The following HIP1 variants were observed in gnomAD, a reference collection of about 807,000 sequenced individuals.
The protein encoded by HIP1 is huntingtin interacting protein 1, also known as huntingtin-interacting protein 1.
In HIP1, 65 loss-of-function variants were observed where a neutral mutation model predicts 147.6. The observed-to-expected ratio is 0.44, with a 90% CI of 0.36 to 0.54. HIP1 has a LOEUF of 0.54. Among genes scored for constraint, HIP1 ranks in the 20% least tolerant of loss-of-function variants. The pLI is 0.00. For synonymous variants in HIP1, 479 were observed against 504.0 expected, an observed-to-expected ratio of 0.95 and a Z score of 0.67; for missense variants, 1,061 against 1,299.6, an observed-to-expected ratio of 0.82 and a Z score of 2.82.
chr7:75,623,620 G>A (rs1457310609), intron 1 of HIP1, among the ~76,000 whole-genome samples: 1 of 152,198 alleles, frequency 6.6e-6, no homozygotes, highest in Non-Finnish European at 1.5e-5. Context: ...TGCACAGGAT[G>A]CCTGGAGCTG....
intron 1 of HIP1, among the ~76,000 whole-genome samples, chr7:75,731,634 G>A (rs1406131274): frequency 7.9e-5 from 12 of 152,052 alleles, no homozygotes; most frequent in East Asian, 3.9e-4. Flanking sequence ...GGGGTGGGGC[G>A]CCAGGTTCAA....
chr7:75,639,176 C>T (rs1717079217), intron 1 of HIP1: 1 of 983,162 alleles, frequency 1.0e-6, no homozygotes, highest in Non-Finnish European at 1.2e-6. Context: ...GGGCGGCCGG[C>T]AGGGCCCCCG....
chr7:75,579,354 G>A (rs918890622), intron 7 of HIP1, among the ~76,000 whole-genome samples: 18 of 151,752 alleles, frequency 1.2e-4, no homozygotes, highest in African/African-American at 4.3e-4. Context: ...CTTGCTCACT[G>A]CATCTCGGCT....
intron 1 of HIP1, among the ~76,000 whole-genome samples, chr7:75,676,351 G>A (rs191369736): frequency 3.9e-5 from 6 of 152,250 alleles, no homozygotes; most frequent in East Asian, 1.9e-4. Flanking sequence ...CAGCTTTCAC[G>A]TTCTGCTCGC....
chr7:75,554,322 G>A, intron 20 of HIP1, 102 bp from the exon 21 acceptor site: 1 of 1,271,236 alleles, frequency 7.9e-7, no homozygotes. Context: ...TTTCTTGTAT[G>A]AGTTGCCTAC....
rs781878196 is a variant in HIP1, at chr7:75,559,823, G to A, written c.1284C>T (p.Asp428=). Residue 428 remains aspartate, a synonymous_variant, in exon 14 of 31, where the codon GAC becomes GAT. Coordinates refer to ENST00000336926, the MANE Select transcript of HIP1 (RefSeq NM_005338.7). ...EQQHLRQQAA[D]DCEFLRAELD... is the part of the protein sequence containing the mutation. Reference sequence around the variant, plus strand: ...GTTCTGCCCGCAGGAATTCACAGTCGTCGGCCGCCTGCTGCCGCAGGTGCT... The same window carrying A: ...GTTCTGCCCGCAGGAATTCACAGTCATCGGCCGCCTGCTGCCGCAGGTGCT... The A allele has an allele frequency of 3.3e-5, 54 of 1,612,394 alleles. No homozygotes were observed. The highest frequency in any genetic ancestry group is 4.2e-5 in the Non-Finnish European group (49 of 1,179,858).
rs928874463 is a variant in HIP1, at chr7:75,536,677, G to A, written c.*1495C>T. On this transcript the variant is annotated 3_prime_UTR_variant, in exon 31 of 31. Transcript: ENST00000336926. Reference sequence around the variant, plus strand: ...TGGCTGAAAGGAGTTGGAGCCGCTGGCTCTGTCCTTTCTCATTTTCTCTGA... The same window carrying A: ...TGGCTGAAAGGAGTTGGAGCCGCTGACTCTGTCCTTTCTCATTTTCTCTGA... 4.8e-5 allele frequency: 11 copies of A among 228,878 alleles called. No individual in the cohort carries two copies. The East Asian group carries it at 6.9e-4, about 14-fold the overall frequency. The allele number at this position is 228,878 out of a possible 1,614,324, so 14.2% of individuals were successfully genotyped here.
At chr7:75,544,387 G>C (rs1431575335) in intron 27 of HIP1, among the ~76,000 whole-genome samples, 2 of 151,646 alleles carry the variant, frequency 1.3e-5, no homozygotes, top group Non-Finnish European at 2.9e-5. Context: ...ACCTAACCAA[G>C]TACCATCTAA....
chr7:75,705,529 G>A (rs1406223627), intron 1 of HIP1, among the ~76,000 whole-genome samples: 1 of 151,984 alleles, frequency 6.6e-6, no homozygotes, highest in Non-Finnish European at 1.5e-5. Flanking sequence ...CACCGTGCCT[G>A]GCTGAGTTTT....
chr7:75,590,488 A>G (rs1282556725), intron 4 of HIP1, among the ~76,000 whole-genome samples: 1 of 152,216 alleles, frequency 6.6e-6, no homozygotes, highest in Non-Finnish European at 1.5e-5. Context: ...AAATAGAAGT[A>G]GAACAGATGG....
chr7:75,691,035 G>T (rs1554518093), intron 1 of HIP1, among the ~76,000 whole-genome samples: 1 of 152,146 alleles, frequency 6.6e-6, no homozygotes, highest in East Asian at 1.9e-4. Flanking sequence ...AGATGAAATG[G>T]ATAAACGAAG....
chr7:75,711,233 T>C (rs1801158216), intron 1 of HIP1, among the ~76,000 whole-genome samples: 1 of 152,206 alleles, frequency 6.6e-6, no homozygotes, highest in South Asian at 2.1e-4. Context: ...GGGTAAATTA[T>C]CTCCAACTCT....
At chr7:75,731,424 A>G (rs1014636346) in intron 1 of HIP1, among the ~76,000 whole-genome samples, 1 of 137,732 alleles carries the variant, frequency 7.3e-6, no homozygotes, top group Non-Finnish European at 1.6e-5. Flanking sequence ...CACATATTGT[A>G]GTGAGCCGAG....
In HIP1 at chr7:75,554,220, T is replaced by A; in HGVS notation, c.2051A>T (p.Asp684Val). Residue 684 changes from aspartate (D) to valine (V), a missense_variant and splice_region_variant, in exon 21 of 31, where the codon GAC (aspartate) becomes GTC (valine). Transcript: ENST00000336926. ...TATGGAATGGAGAAGTCCACTGATG[T>A]CTGCCAGGATTGGAAAGAGAAGTTT... Reference protein sequence around the residue: ...SWSQYLACPEDISGLLHSITL... With the variant: ...SWSQYLACPEVISGLLHSITL... 1 of 1,612,348 alleles carries A rather than the reference T, an allele frequency of 6.2e-7. No homozygotes were observed. Among genetic ancestry groups the A allele is most frequent in the Non-Finnish European group, 8.5e-7 (1 of 1,178,568 alleles).
chr7:75,705,599 C>T (rs1800966167), intron 1 of HIP1, among the ~76,000 whole-genome samples: 1 of 152,080 alleles, frequency 6.6e-6, no homozygotes, highest in Non-Finnish European at 1.5e-5. Context: ...AGATGATCTG[C>T]CCGCCTCAGC....
chr7:75,553,561 G>A lies in HIP1; in HGVS notation c.2187C>T (p.Gly729=), dbSNP rs1349207557. The change falls in exon 22 of 31, where the codon GGC becomes GGT. Residue 729 remains glycine, a synonymous_variant. Coordinates refer to ENST00000336926, the MANE Select transcript of HIP1 (RefSeq NM_005338.7). Reference sequence around the variant, plus strand: ...AGGCCAGGTAGGCGAGGGTTTCCCTGCCATACTGCTTACAGGCCTCGGTCA... The same window carrying A: ...AGGCCAGGTAGGCGAGGGTTTCCCTACCATACTGCTTACAGGCCTCGGTCA... The part of the protein sequence containing the change: ...DSLTEACKQY[G]RETLAYLASL... 2.5e-6 allele frequency: 4 copies of A among 1,614,004 alleles called. No individual in the cohort carries two copies. The highest frequency in any genetic ancestry group is 2.5e-6 in the Non-Finnish European group (3 of 1,179,960).
intron 1 of HIP1, among the ~76,000 whole-genome samples, chr7:75,624,473 T>C (rs1182623132): frequency 6.6e-6 from 1 of 151,912 alleles, no homozygotes; most frequent in Non-Finnish European, 1.5e-5. Flanking sequence ...AGTATAGGGG[T>C]GTTGGCCGTG....
intron 1 of HIP1, among the ~76,000 whole-genome samples, chr7:75,606,450 A>T (rs1797228240): frequency 6.6e-6 from 1 of 152,096 alleles, no homozygotes; most frequent in Non-Finnish European, 1.5e-5. Context: ...GTGGTGGCTC[A>T]TGCCTATAAT....
intron 1 of HIP1, among the ~76,000 whole-genome samples, chr7:75,700,059 C>A (rs547537343): frequency 6.6e-6 from 1 of 152,290 alleles, no homozygotes; most frequent in African/African-American, 2.4e-5. Flanking sequence ...CCATGCTGGC[C>A]AGGCTGGTCT....
Sources: allele counts gnomAD v4.1 joint callset (sites outside exome capture counted in the v4.1 genomes callset), GRCh38; gene constraint gnomAD v4.1.1; transcripts MANE v1.5; gene names NCBI Gene and HGNC (gene_info 2026-07-23, HGNC 2026-07-21).